The following DNAH3 variants were observed in gnomAD, a reference collection of about 807,000 sequenced individuals.
The protein encoded by DNAH3 is dynein axonemal heavy chain 3.
DNAH3 carries 332 observed loss-of-function variants against 432.5 expected under a neutral mutation model. That is an observed-to-expected ratio of 0.77 (90% confidence interval 0.70 to 0.84). The LOEUF is 0.84. Among genes scored for constraint, DNAH3 ranks in the 40% least tolerant of loss-of-function variants. The probability of loss-of-function intolerance (pLI) is 0.00; values close to 1 mark genes in which losing one functional copy is unlikely to be tolerated. For missense variants in DNAH3, 4,861 were observed against 5,114.0 expected (o/e 0.95, Z 1.51); for synonymous variants, 1,956 against 1,900.2 (o/e 1.03, Z -0.76).
intron 53 of DNAH3, among the ~76,000 whole-genome samples, chr16:20,962,728 C>T (rs1229206937): frequency 6.6e-6 from 1 of 152,152 alleles, no homozygotes; most frequent in African/African-American, 2.4e-5. Flanking sequence ...GTGATCATAG[C>T]TCACTGCAGC....
At chr16:21,042,192 C>T (rs193109749) in exon 32 of DNAH3, 3 of 1,603,020 alleles carry the variant, frequency 1.9e-6, no homozygotes, top group African/African-American at 2.7e-5. Context: ...CGACCACAGA[C>T]AGCACTTCTA....
At chr16:20,942,366 G>T (rs1316616087) in intron 58 of DNAH3, among the ~76,000 whole-genome samples, 1 of 152,194 alleles carries the variant, frequency 6.6e-6, no homozygotes, top group Non-Finnish European at 1.5e-5. Context: ...AGGCCTCGAG[G>T]CTCAAGGAGG....
chr16:21,060,697 T>G (rs2152751587), intron 25 of DNAH3, among the ~76,000 whole-genome samples: 1 of 150,890 alleles, frequency 6.6e-6, no homozygotes, highest in South Asian at 2.1e-4. Flanking sequence ...CTGATGAATT[T>G]TGTATTTTTA....
Position 21,075,436 on chromosome 16 carries a change from G to A in DNAH3, c.3084+11C>T, listed in dbSNP as rs369647995. ...GCTTTCAAAAGGGGCTGCGGTTGCA[G>A]TGAGACTCACAGTGTCCCTGTATTT... On this transcript the variant is annotated intron_variant, in intron 21 of 61. Transcript: ENST00000261383. 283 of 1,590,524 alleles carry A rather than the reference G, an allele frequency of 1.8e-4. 1 individual carries two copies. The highest frequency in any genetic ancestry group is 2.2e-4 in the Non-Finnish European group (255 of 1,158,590).
At chr16:21,155,539 T>C (rs1477588350) in intron 1 of DNAH3, among the ~76,000 whole-genome samples, 1 of 150,460 alleles carries the variant, frequency 6.6e-6, no homozygotes, top group Non-Finnish European at 1.5e-5. Flanking sequence ...GGAGAATCAT[T>C]TGAACCCAGG....
At chr16:20,970,254 G>A (rs1050824294) in intron 51 of DNAH3, among the ~76,000 whole-genome samples, 2 of 152,362 alleles carry the variant, frequency 1.3e-5, no homozygotes, top group East Asian at 3.9e-4. Context: ...GCCAGGCACA[G>A]TAGCTCATGC....
intron 53 of DNAH3, 76 bp from the exon 54 acceptor site, chr16:20,959,480 A>G: frequency 7.0e-7 from 1 of 1,437,344 alleles, no homozygotes; most frequent in Non-Finnish European, 9.7e-7. Context: ...TATCAACAAT[A>G]ACAACATGGC....
At chr16:21,020,604 T>C (rs886358028) in intron 40 of DNAH3, among the ~76,000 whole-genome samples, 1 of 148,978 alleles carries the variant, frequency 6.7e-6, no homozygotes, top group African/African-American at 2.5e-5. Context: ...GGTTTTACTG[T>C]GTTGTTGGCC....
At chr16:20,988,874 G>A (rs2086369411) in intron 44 of DNAH3, among the ~76,000 whole-genome samples, 1 of 151,966 alleles carries the variant, frequency 6.6e-6, no homozygotes, top group Non-Finnish European at 1.5e-5. Flanking sequence ...TGGCTCAGGA[G>A]TGAAGCTGCA....
intron 51 of DNAH3, among the ~76,000 whole-genome samples, chr16:20,972,739 ATTTTT>A (rs34245316): frequency 5.2e-5 from 5 of 95,976 alleles, no homozygotes; most frequent in Non-Finnish European, 7.6e-5. Context: ...ATGCCCCGTG[ATTTTT>A]TTTTTTTTTT....
chr16:21,071,013 T>G (rs1178904338), intron 21 of DNAH3, among the ~76,000 whole-genome samples, 187 bp from the exon 22 acceptor site: 1 of 151,300 alleles, frequency 6.6e-6, no homozygotes, highest in Non-Finnish European at 1.5e-5. Context: ...GCCTCCCAAG[T>G]AGGTAGGACT....
At chr16:21,100,656 T>C (rs2091814404) in intron 16 of DNAH3, among the ~76,000 whole-genome samples, 1 of 152,150 alleles carries the variant, frequency 6.6e-6, no homozygotes, top group Admixed American at 6.6e-5. Context: ...GCAGCTCACA[T>C]CCCTGAGTCA....
At chr16:21,075,850 C>A (rs534486020) in intron 20 of DNAH3, among the ~76,000 whole-genome samples, 1 of 133,678 alleles carries the variant, frequency 7.5e-6, no homozygotes, top group South Asian at 2.4e-4. Context: ...GTAGAGGCTG[C>A]AGTGAGCTGA....
exon 52 of DNAH3, chr16:20,969,963 C>G (rs1455520781): frequency 6.2e-7 from 1 of 1,614,048 alleles, no homozygotes; most frequent in African/African-American, 1.3e-5. Context: ...GCAGGCATTG[C>G]CTCAGCTAGG....
chr16:21,114,009 A>G (rs2092131499), intron 12 of DNAH3, among the ~76,000 whole-genome samples: 2 of 152,212 alleles, frequency 1.3e-5, no homozygotes, highest in Non-Finnish European at 2.9e-5. Flanking sequence ...TGTATTTATG[A>G]TAAAGTTTAA....
intron 50 of DNAH3, among the ~76,000 whole-genome samples, chr16:20,976,143 C>A (rs1040740967): frequency 6.6e-6 from 1 of 151,894 alleles, no homozygotes; most frequent in African/African-American, 2.4e-5. Flanking sequence ...AAGTTCAAGA[C>A]CAGCCTGGGA....
exon 26 of DNAH3, chr16:21,060,336 G>C (rs922923576): frequency 1.9e-6 from 3 of 1,613,760 alleles, no homozygotes; most frequent in Non-Finnish European, 1.7e-6. Context: ...CCACCTGCTG[G>C]AGCCACTTTT....
intron 14 of DNAH3, 126 bp from the exon 15 acceptor site, chr16:21,106,800 T>G: frequency 1.2e-6 from 1 of 826,834 alleles, no homozygotes; most frequent in Non-Finnish European, 1.7e-6. Flanking sequence ...AGAAAATTTT[T>G]TTTTAATTTT....
At chr16:21,019,299 G>T in intron 41 of DNAH3, 1 of 307,906 alleles carries the variant, frequency 3.2e-6, no homozygotes, top group Non-Finnish European at 6.2e-6. Context: ...TGGGTTTATA[G>T]GTGCATGCCA....
Sources: gnomAD v4.1 joint callset for allele counts (sites outside exome capture counted in the v4.1 genomes callset) on GRCh38, gnomAD v4.1.1 for gene constraint, MANE v1.5 for transcripts, NCBI Gene and HGNC (gene_info 2026-07-23, HGNC 2026-07-21) for gene names.